Variants in SAXO1 observed in about 807,000 individuals in gnomAD.
SAXO1 encodes the protein 4930500O09Rik.
In SAXO1, 21 loss-of-function variants were observed where a neutral mutation model predicts 17.5. The ratio of observed to expected loss-of-function variants is 1.20; its 90% CI spans 0.85 to 1.72. The LOEUF (loss-of-function observed/expected upper bound fraction) is 1.72, where lower values mean the gene tolerates loss of function less well. Ranked by LOEUF, SAXO1 falls within the 40% of genes most tolerant of loss-of-function variation. The pLI is 0.00. For missense variants in SAXO1, 843 were observed against 596.0 expected, an observed-to-expected ratio of 1.41 and a Z score of -4.32; for synonymous variants, 274 against 216.5, an observed-to-expected ratio of 1.27 and a Z score of -2.33.
At chr9:18,937,069 A>G (rs1721088836) in intron 3 of SAXO1, among the ~76,000 whole-genome samples, 1 of 152,242 alleles carries the variant, frequency 6.6e-6, no homozygotes. Flanking sequence ...GAATCAACGT[A>G]TGGTCATAAA....
intron 1 of SAXO1, among the ~76,000 whole-genome samples, chr9:18,983,524 A>G (rs1833479320): frequency 6.6e-6 from 1 of 152,234 alleles, no homozygotes; most frequent in African/African-American, 2.4e-5. Context: ...AACAATGTTC[A>G]CTGCATTTTC....
At chr9:19,002,216 T>C (rs1012430858) in intron 1 of SAXO1, among the ~76,000 whole-genome samples, 1 of 152,166 alleles carries the variant, frequency 6.6e-6, no homozygotes, top group Non-Finnish European at 1.5e-5. Context: ...AATCTCTGCA[T>C]AGACCAATAA....
In SAXO1 at chr9:18,998,457, G is replaced by C. The variant is rs1385608924; in HGVS notation, c.38+34414C>G. 2.6e-5 allele frequency among the ~76,000 whole-genome samples: 4 copies of C among 152,068 alleles called. No homozygotes were observed. In the South Asian group the frequency reaches 8.3e-4, roughly 32 times the overall value. ...ATGAACAAAGCCTCCAAGAAATTTG[G>C]GACTATGTGAAAAGACCAAATCTAT... On this transcript the variant is annotated intron_variant, in intron 1 of 3. Transcript: ENST00000380534.
intron 1 of SAXO1, among the ~76,000 whole-genome samples, chr9:19,039,722 A>G (rs1836029901): frequency 6.6e-6 from 1 of 152,120 alleles, no homozygotes; most frequent in East Asian, 1.9e-4. Flanking sequence ...AAAGAGATGC[A>G]GGTCTTGGAA....
intron 2 of SAXO1, among the ~76,000 whole-genome samples, chr9:18,946,588 A>T (rs1277157873): frequency 6.6e-6 from 1 of 152,092 alleles, no homozygotes; most frequent in Non-Finnish European, 1.5e-5. Flanking sequence ...GGTGTCCACA[A>T]TGTAGCAACA....
At position 18,928,550 on chromosome 9, in the gene SAXO1, G is replaced by A; in HGVS notation, c.927C>T (p.Ala309=). 1.2e-6 allele frequency: 2 copies of A among 1,614,096 alleles called. No homozygotes were observed. Among genetic ancestry groups the A allele is most frequent in the Non-Finnish European group, 1.7e-6 (2 of 1,180,002 alleles). The change falls in exon 4 of 4, where the codon GCC becomes GCT. Residue 309 remains alanine, a synonymous_variant. Coordinates refer to ENST00000380534, the MANE Select transcript of SAXO1 (RefSeq NM_153707.4). ...GGGCACCCTTAGGGCATGTGTAATG[G>A]GCCTGCACTGTTGTCAGAAGATCCA... The part of the protein sequence containing the change: ...DRMDLLTTVQ[A]HYTCPKGAPA...
intron 1 of SAXO1, among the ~76,000 whole-genome samples, chr9:19,030,272 G>C (rs550990378): frequency 1.1e-4 from 17 of 151,804 alleles, no homozygotes; most frequent in African/African-American, 3.9e-4. Flanking sequence ...AGGGAATCAT[G>C]GGAGAAAAAA....
chr9:18,960,890 A>G (rs1240836850), intron 1 of SAXO1, among the ~76,000 whole-genome samples: 2 of 152,216 alleles, frequency 1.3e-5, no homozygotes, highest in African/African-American at 2.4e-5. Context: ...AAAGTCAGAT[A>G]AGGGGTTCCC....
chr9:19,001,155 T>A (rs1221657278), intron 1 of SAXO1, among the ~76,000 whole-genome samples: 1 of 152,164 alleles, frequency 6.6e-6, no homozygotes, highest in Non-Finnish European at 1.5e-5. Context: ...CAGCATTACA[T>A]CACACTTATT....
chr9:19,025,924 G>A (rs997317676), intron 1 of SAXO1, among the ~76,000 whole-genome samples: 3 of 151,948 alleles, frequency 2.0e-5, no homozygotes, highest in African/African-American at 7.2e-5. Context: ...TTGGACCAGA[G>A]CCTTCATATT....
chr9:18,991,609 T>G (rs1012594961), intron 1 of SAXO1, among the ~76,000 whole-genome samples: 1 of 152,124 alleles, frequency 6.6e-6, no homozygotes, highest in African/African-American at 2.4e-5. Context: ...GAGAAATACC[T>G]AATGTAAATG....
chr9:19,044,159 T>C (rs561315265), intron 1 of SAXO1, among the ~76,000 whole-genome samples: 5 of 151,862 alleles, frequency 3.3e-5, no homozygotes, highest in Non-Finnish European at 7.4e-5. Flanking sequence ...AACAATTGGA[T>C]TGTTTGCAAC....
chr9:18,964,212 G>A (rs1484840928), intron 1 of SAXO1, among the ~76,000 whole-genome samples: 1 of 152,154 alleles, frequency 6.6e-6, no homozygotes, highest in African/African-American at 2.4e-5. Context: ...CGTTCATCAG[G>A]GATATTGGCC....
intron 1 of SAXO1, among the ~76,000 whole-genome samples, chr9:18,980,561 A>C (rs1381630909): frequency 2.2e-5 from 3 of 134,362 alleles, no homozygotes; most frequent in South Asian, 2.4e-4. Flanking sequence ...AAGAGGAAGA[A>C]GAGGAGGAGG....
chr9:18,930,078 ATTG>A (rs1320754987), intron 3 of SAXO1, among the ~76,000 whole-genome samples: 8 of 152,234 alleles, frequency 5.3e-5, no homozygotes, highest in Non-Finnish European at 8.8e-5. Context: ...TTTAAACCGT[ATTG>A]TTGTCTCCAA....
intron 1 of SAXO1, among the ~76,000 whole-genome samples, chr9:19,009,905 C>G (rs966935899): frequency 2.0e-5 from 3 of 151,728 alleles, no homozygotes; most frequent in Non-Finnish European, 4.4e-5. Flanking sequence ...CTGCTCACTG[C>G]AACCTCCGCC....
intron 3 of SAXO1, among the ~76,000 whole-genome samples, chr9:18,930,122 C>G (rs1248179990): frequency 1.3e-5 from 2 of 152,140 alleles, no homozygotes; most frequent in Non-Finnish European, 2.9e-5. Context: ...TCATATCACA[C>G]TTAGGGGCAT....
intron 1 of SAXO1, among the ~76,000 whole-genome samples, chr9:18,993,601 G>C (rs1833896653): frequency 6.6e-6 from 1 of 152,168 alleles, no homozygotes; most frequent in African/African-American, 2.4e-5. Context: ...AAACACAGAG[G>C]AGCACAGCTT....
intron 1 of SAXO1, among the ~76,000 whole-genome samples, chr9:18,982,029 G>A (rs917048076): frequency 2.6e-5 from 4 of 152,066 alleles, no homozygotes; most frequent in African/African-American, 7.2e-5. Context: ...ACGCCAGAGC[G>A]ACCAGTACCC....
Sources: gnomAD v4.1 joint callset for allele counts (sites outside exome capture counted in the v4.1 genomes callset) on GRCh38, gnomAD v4.1.1 for gene constraint, MANE v1.5 for transcripts, NCBI Gene and HGNC (gene_info 2026-07-23, HGNC 2026-07-21) for gene names.